The following ADCY3 variants were observed in gnomAD, a reference collection of about 807,000 sequenced individuals.
The protein encoded by ADCY3 is adenylate cyclase type 3.
ADCY3 carries 70 observed loss-of-function variants against 119.4 expected under a neutral mutation model. The observed-to-expected ratio is 0.59, with a 90% CI of 0.48 to 0.72. The LOEUF (loss-of-function observed/expected upper bound fraction) is 0.72. Among genes scored for constraint, ADCY3 ranks in the 30% least tolerant of loss-of-function variants. The probability of loss-of-function intolerance (pLI) is 0.00; values close to 1 mark genes in which losing one functional copy is unlikely to be tolerated. For synonymous variants in ADCY3, 672 were observed against 621.4 expected (o/e 1.08, Z -1.21); for missense variants, 1,238 against 1,541.6 (o/e 0.80, Z 3.30).
chr2:24,901,230 A>T (rs1037687871), intron 2 of ADCY3, among the ~76,000 whole-genome samples: 2 of 152,184 alleles, frequency 1.3e-5, no homozygotes, highest in African/African-American at 4.8e-5. Context: ...CTGACGTTAC[A>T]CGTGCCGCAG....
At chr2:24,896,196 C>G (rs1008269952) in intron 2 of ADCY3, among the ~76,000 whole-genome samples, 2 of 152,136 alleles carry the variant, frequency 1.3e-5, no homozygotes, top group African/African-American at 4.8e-5. Flanking sequence ...CCAGCCTGGT[C>G]AACATGGCGA....
At chr2:24,853,869 A>T (rs1305234807) in intron 3 of ADCY3, among the ~76,000 whole-genome samples, 2 of 152,214 alleles carry the variant, frequency 1.3e-5, no homozygotes, top group Non-Finnish European at 2.9e-5. Flanking sequence ...TTATTCATAC[A>T]TACTGATTCA....
chr2:24,905,826 C>A (rs750929291), intron 2 of ADCY3, among the ~76,000 whole-genome samples: 5 of 152,202 alleles, frequency 3.3e-5, no homozygotes, highest in Non-Finnish European at 7.3e-5. Flanking sequence ...AGAAACCAGG[C>A]AAAGAGGTTA....
At chr2:24,848,965 C>T (rs76431392) in intron 3 of ADCY3, among the ~76,000 whole-genome samples, 3 of 152,264 alleles carry the variant, frequency 2.0e-5, no homozygotes, top group Non-Finnish European at 2.9e-5. Flanking sequence ...CAGCCCCCCC[C>T]GCCACGTGTG....
At chr2:24,858,247 C>T (rs1673242407) in intron 3 of ADCY3, among the ~76,000 whole-genome samples, 1 of 152,084 alleles carries the variant, frequency 6.6e-6, no homozygotes, top group South Asian at 2.1e-4. Flanking sequence ...CTCAGTGACC[C>T]AGTTAGAATG....
chr2:24,827,698 T>G (rs1428948427), intron 14 of ADCY3, 90 bp from the exon 15 acceptor site: 1 of 1,454,302 alleles, frequency 6.9e-7, no homozygotes, highest in East Asian at 2.5e-5. Context: ...AGTCCTCCAC[T>G]CGGGGAGAAT....
chr2:24,836,607 A>G (rs1299579901), intron 9 of ADCY3, among the ~76,000 whole-genome samples: 1 of 152,218 alleles, frequency 6.6e-6, no homozygotes, highest in Admixed American at 6.5e-5. Flanking sequence ...CTCAGATCCT[A>G]TATAATTTTC....
intron 3 of ADCY3, among the ~76,000 whole-genome samples, chr2:24,859,075 G>A (rs1007501772): frequency 6.6e-6 from 1 of 152,214 alleles, no homozygotes; most frequent in Non-Finnish European, 1.5e-5. Context: ...TTCTCACACT[G>A]AGAGGCATTC....
At position 24,834,455 on chromosome 2, in the gene ADCY3, A is replaced by G. The variant is rs1670015850; in HGVS notation, c.1967+30T>C. On this transcript the variant is annotated intron_variant, in intron 11 of 21. Transcript: ENST00000679454. The surrounding 1 kb of genome is among the most constrained non-coding windows in gnomAD (Gnocchi z 4.2). ...GCCCGGCACCACCGCAGCCGAGGAA[A>G]CTCGTGGCCCTCCCCGGCCCCTCCC... The G allele has an allele frequency of 7.2e-7, 1 of 1,386,454 alleles. No homozygotes were observed. The allele number at this position is 1,386,454 out of a possible 1,614,324, so 85.9% of individuals were successfully genotyped here.
chr2:24,833,714 T>A (rs1669912749), intron 11 of ADCY3, among the ~76,000 whole-genome samples: 1 of 147,994 alleles, frequency 6.8e-6, no homozygotes, highest in Non-Finnish European at 1.5e-5. Flanking sequence ...CAATCAATAC[T>A]TATGGAATGA....
At chr2:24,900,471 G>T (rs541263026) in intron 2 of ADCY3, among the ~76,000 whole-genome samples, 2 of 152,192 alleles carry the variant, frequency 1.3e-5, no homozygotes, top group African/African-American at 4.8e-5. Flanking sequence ...AATCTTAAAT[G>T]TATAGCTACA....
At chr2:24,860,040 C>T (rs1043063097) in intron 3 of ADCY3, among the ~76,000 whole-genome samples, 2 of 152,286 alleles carry the variant, frequency 1.3e-5, no homozygotes, top group African/African-American at 2.4e-5. Flanking sequence ...CCACACAGGA[C>T]GCGTGTGAAG....
At chr2:24,845,346 T>C (rs1671541316) in intron 3 of ADCY3, among the ~76,000 whole-genome samples, 1 of 152,168 alleles carries the variant, frequency 6.6e-6, no homozygotes, top group Admixed American at 6.5e-5. Context: ...TTGACAAAAA[T>C]GCTGTTAGTG....
rs1333561857 is a variant in ADCY3 at position 24,821,523 on chromosome 2, G to A, written c.3121C>T (p.Arg1041Cys). 5 of 1,614,018 alleles carry A rather than the reference G, an allele frequency of 3.1e-6. No homozygotes were observed. Among genetic ancestry groups the A allele is most frequent in the Non-Finnish European group, 3.4e-6 (4 of 1,179,958 alleles). ...GCCAGCTGGGGGTGCTCACCTATGCGCAGCATGAAGTTATTGAAGGACTGG... is the reference window on the plus strand; with the variant it reads ...GCCAGCTGGGGGTGCTCACCTATGCACAGCATGAAGTTATTGAAGGACTGG... ...NNQSFNNFML[R>C]IGMNKGGVLA... is the part of the protein sequence containing the mutation. The change falls in exon 20 of 22, where the codon CGC becomes TGC. Residue 1041 changes from arginine to cysteine, a missense_variant. By Grantham distance (180) the Arg-to-Cys change is radical. Transcript: ENST00000679454.
intron 2 of ADCY3, among the ~76,000 whole-genome samples, chr2:24,877,106 C>A (rs1354333531): frequency 1.3e-5 from 2 of 152,222 alleles, no homozygotes; most frequent in East Asian, 3.8e-4. Context: ...AAGGCAGCCC[C>A]TCCTCCTCCC....
At position 24,918,345 on chromosome 2, in the gene ADCY3, C is replaced by G; in HGVS notation, c.643G>C (p.Glu215Gln). 3.1e-6 allele frequency: 5 copies of G among 1,594,408 alleles called. No individual in the cohort carries two copies. Among genetic ancestry groups the G allele is most frequent in the Non-Finnish European group, 4.3e-6 (5 of 1,169,802 alleles). Residue 215 changes from glutamate to glutamine, a missense_variant, in exon 2 of 22, where the codon GAG becomes CAG. By Grantham distance (29) the Glu-to-Gln change is conservative. Transcript: ENST00000679454. The surrounding 1 kb of genome is among the most constrained non-coding windows in gnomAD (Gnocchi z 5.4). ...AGCAGCTGCATCCCCTTGAGCTCCT[C>G]CTGCTGCTGCTGGGCCACGGTGACC... Reference protein sequence around the residue: ...LGVTVAQQQQEELKGMQLLRE... With the variant: ...LGVTVAQQQQQELKGMQLLRE...
chr2:24,871,921 G>A (rs188479158), intron 3 of ADCY3, among the ~76,000 whole-genome samples: 40 of 152,342 alleles, frequency 2.6e-4, no homozygotes, highest in African/African-American at 8.2e-4. Flanking sequence ...GGGACAGCGA[G>A]GCCTCTCTCC....
chr2:24,857,991 ATTTTTT>A (rs56672595), intron 3 of ADCY3, among the ~76,000 whole-genome samples: 1 of 122,390 alleles, frequency 8.2e-6, no homozygotes, highest in Admixed American at 8.8e-5. Context: ...TGTGGTCTGA[ATTTTTT>A]TTTTTTTTTT....
At chr2:24,846,368 C>G (rs1222917670) in intron 3 of ADCY3, among the ~76,000 whole-genome samples, 1 of 152,208 alleles carries the variant, frequency 6.6e-6, no homozygotes, top group East Asian at 1.9e-4. Flanking sequence ...GAACCTGCCT[C>G]TTACATCAGC....
Sources: allele counts gnomAD v4.1 joint callset (sites outside exome capture counted in the v4.1 genomes callset), GRCh38; gene constraint gnomAD v4.1.1; non-coding constraint Gnocchi (gnomAD v3.1); transcripts MANE v1.5; gene names NCBI Gene and HGNC (gene_info 2026-07-23, HGNC 2026-07-21).